LZTR1: variants seen among roughly 807,000 people sequenced by gnomAD.
The protein encoded by LZTR1 is leucine zipper like post translational regulator 1, also known as leucine-zipper-like transcriptional regulator 1.
Under a neutral mutation model 105.7 loss-of-function variants are expected in LZTR1, and 260 were observed. The observed-to-expected ratio is 2.46, with a 90% CI of 2.22 to 2.72. LZTR1 has a LOEUF of 2.72. LZTR1 is among the 30% of genes most tolerant of loss of function. The probability of loss-of-function intolerance (pLI) is 0.00; values close to 1 mark genes in which losing one functional copy is unlikely to be tolerated. For synonymous variants in LZTR1, 490 were observed against 476.4 expected, an observed-to-expected ratio of 1.03 and a Z score of -0.37; for missense variants, 1,214 against 1,166.9, an observed-to-expected ratio of 1.04 and a Z score of -0.59.
At chr22:20,992,189 A>T in intron 9 of LZTR1, 25 bp from the exon 10 acceptor site, 1 of 1,606,712 alleles carries the variant, frequency 6.2e-7, no homozygotes, top group Non-Finnish European at 8.5e-7. Flanking sequence ...AACTGGTCTC[A>T]TGCCCATGTG....
Position 20,997,389 on chromosome 22 carries a change from T to G in LZTR1, c.*41T>G. The G allele has an allele frequency of 7.2e-7, 1 of 1,394,906 alleles. No individual in the cohort carries two copies. Among genetic ancestry groups the G allele is most frequent in the Non-Finnish European group, 1.0e-6 (1 of 981,714 alleles). 86.4% of individuals were successfully genotyped at this position (1,394,906 alleles called of 1,614,324 possible). On this transcript the variant is annotated 3_prime_UTR_variant, in exon 21 of 21. Transcript: ENST00000646124. ...GCCCATTGTGAAGAATCGCCGTGCC[T>G]GCCTGCCCTGCCTACTGAGAAGACT... is the stretch of plus-strand genomic sequence containing the variant.
chr22:20,987,309 G>T, intron 3 of LZTR1, 195 bp from the exon 4 acceptor site: 1 of 548,084 alleles, frequency 1.8e-6, no homozygotes, highest in Non-Finnish European at 3.3e-6. Context: ...CAGGACAATC[G>T]CTTGAACCCA....
Position 20,992,827 on chromosome 22 carries a change from G to A in LZTR1, c.1183G>A (p.Val395Ile), listed in dbSNP as rs373591504. The change falls in exon 11 of 21, where the codon GTC becomes ATC. Residue 395 changes from valine (V) to isoleucine (I), a missense_variant. Val to Ile is a conservative substitution (Grantham distance 29). Coordinates refer to ENST00000646124, the MANE Select transcript of LZTR1 (RefSeq NM_006767.4). ...TGGGAGGCTCTTCCACGCGGCTGCT[G>A]TCATCTCGGACGCCATGTACATCTT... ...PSGRLFHAAA[V>I]ISDAMYIFGG... 6 of 1,607,916 alleles carry A rather than the reference G, an allele frequency of 3.7e-6. No homozygotes were observed. The African/African-American group carries it at 6.7e-5, about 18-fold the overall frequency.
chr22:20,991,670 A>G lies in LZTR1; in HGVS notation c.834A>G (p.Pro278=). 1.9e-6 allele frequency: 3 copies of G among 1,603,406 alleles called. No homozygotes were observed. Among genetic ancestry groups the G allele is most frequent in the Non-Finnish European group, 2.5e-6 (3 of 1,177,612 alleles). ...IPTEHLLRGS[P]PPPQRRYGHT... ...CTGAACACCTGCTCCGGGGCTCCCC[A>G]CCACCCCCGCAGCGGCGCTACGGGC... The change falls in exon 9 of 21, where the codon CCA becomes CCG. Residue 278 remains proline, a synonymous_variant. Transcript: ENST00000646124.
chr22:20,988,763 C>T lies in LZTR1; in HGVS notation c.510-26C>T, dbSNP rs951549955. ...CAGGTCTGTGCTGGGCGGCCTCACT[C>T]CCTCCCCTCTTCCCTCACACTCCAG... On this transcript the variant is annotated intron_variant, in intron 5 of 20. Coordinates refer to ENST00000646124, the MANE Select transcript of LZTR1 (RefSeq NM_006767.4). 14 of 1,591,096 alleles carry T rather than the reference C, an allele frequency of 8.8e-6. No homozygotes were observed. In the African/African-American group the frequency reaches 1.3e-4, roughly 15 times the overall value.
Position 20,996,109 on chromosome 22 carries a change from C to A in LZTR1, c.2216C>A (p.Ser739Ter). ...GAGGTCAACATGCCGCCCGAGGACT[C>A]GCTGCATCCTCACTCCCCAGTGAAC... is the stretch of plus-strand genomic sequence containing the variant. ...YGEVNMPPEDSLYLFAAPYYY... is the reference protein window; with the variant it reads ...YGEVNMPPED The change falls in exon 18 of 21, where the codon TCG becomes TAG. Residue 739 changes from serine (S) to a stop codon, truncating the protein, a stop_gained. Transcript: ENST00000646124. LOFTEE classifies it high-confidence loss of function. 6.2e-7 allele frequency: 1 copy of A among 1,611,982 alleles called. No individual in the cohort carries two copies. The highest frequency in any genetic ancestry group is 2.2e-5 in the East Asian group (1 of 44,870).
In LZTR1 at chr22:20,994,659, T is replaced by C. The variant is rs1269824662; in HGVS notation, c.1717T>C (p.Ser573Pro). 2 of 1,612,888 alleles carry C rather than the reference T, an allele frequency of 1.2e-6. No homozygotes were observed. The highest frequency in any genetic ancestry group is 1.7e-5 in the Admixed American group (1 of 60,002). The stretch of plus-strand genomic sequence containing the variant: ...GCTGTGCCGCCAGTACATCGAGGCC[T>C]CCGTGGACCTGCAGAACGTGCTGGT... Reference protein sequence around the residue: ...EQLCRQYIEASVDLQNVLVVC... With the variant: ...EQLCRQYIEAPVDLQNVLVVC... The change falls in exon 15 of 21, where the codon TCC becomes CCC. Residue 573 changes from serine to proline, a missense_variant. Physicochemically the swap from Ser to Pro is moderately conservative, Grantham distance 74. Transcript: ENST00000646124.
At chr22:20,984,770 C>G (rs1474072989) in intron 2 of LZTR1, among the ~76,000 whole-genome samples, 1 of 152,118 alleles carries the variant, frequency 6.6e-6, no homozygotes, top group Non-Finnish European at 1.5e-5. Flanking sequence ...TGAGACCGTT[C>G]AGGGGGCACC....
rs546713633 is a variant in LZTR1 at position 20,991,630 on chromosome 22, G to A, written c.794G>A (p.Trp265Ter). The A allele has an allele frequency of 1.9e-6, 3 of 1,586,518 alleles. No homozygotes were observed. Among genetic ancestry groups the A allele is most frequent in the African/African-American group, 1.3e-5 (1 of 74,682 alleles). Residue 265 changes from tryptophan (W) to a stop codon, truncating the protein, a stop_gained and splice_region_variant, in exon 9 of 21, where the codon TGG (tryptophan) becomes TAG (stop). Transcript: ENST00000646124. LOFTEE classifies it high-confidence loss of function. ...GATTCACTGTTGTGTACCCCCAGGT[G>A]GACACGCATCCCAACTGAACACCTG... ...LFQFEFKDKT[W>*]TRIPTEHLLR...
chr22:20,995,070 T>C (rs915000454), intron 16 of LZTR1, 44 bp downstream of exon 16: 2 of 1,571,632 alleles, frequency 1.3e-6, no homozygotes, highest in Non-Finnish European at 1.7e-6. Flanking sequence ...GGAGGGATGG[T>C]GTTCATCTGC....
rs575495771 is a variant in LZTR1, at chr22:20,997,653, G to C, written c.*305G>C. Reference sequence around the variant, plus strand: ...TGGGCTCACCACCCAGAAGTGGGGAGAGACTTTGGGCCTCCCACCCAGTGG... The same window carrying C: ...TGGGCTCACCACCCAGAAGTGGGGACAGACTTTGGGCCTCCCACCCAGTGG... On this transcript the variant is annotated 3_prime_UTR_variant, in exon 21 of 21. Transcript: ENST00000646124. The C allele has an allele frequency of 7.5e-6, 2 of 265,642 alleles. No individual in the cohort carries two copies. Among genetic ancestry groups the C allele is most frequent in the South Asian group, 1.1e-4 (2 of 18,062 alleles). 16.5% of individuals were successfully genotyped at this position (265,642 alleles called of 1,614,324 possible). A position where few individuals can be genotyped will look rare whatever the true frequency, so the allele number is the denominator to read the frequency against.
intron 14 of LZTR1, 44 bp from the exon 15 acceptor site, chr22:20,994,514 C>G (rs1449557871): frequency 6.3e-7 from 1 of 1,590,598 alleles, no homozygotes; most frequent in Non-Finnish European, 8.5e-7. Flanking sequence ...GTGCCCTGCC[C>G]TCCCCTCTCC....
intron 7 of LZTR1, 84 bp downstream of exon 7, chr22:20,989,766 A>C: frequency 1.1e-6 from 1 of 914,682 alleles, no homozygotes; most frequent in South Asian, 1.5e-5. Context: ...GGTGAGGGGC[A>C]TGGGGAGACA....
At position 20,982,563 on chromosome 22, in the gene LZTR1, G is replaced by T. The variant is rs754088177; in HGVS notation, c.192G>T (p.Val64=). 6.2e-7 allele frequency: 1 copy of T among 1,611,814 alleles called. No homozygotes were observed. The highest frequency in any genetic ancestry group is 8.5e-7 in the Non-Finnish European group (1 of 1,179,344). The change falls in exon 1 of 21, where the codon GTG becomes GTT. Residue 64 remains valine, a synonymous_variant. Transcript: ENST00000646124. ...GCCTCCCGCCCTGCGACGAGTTCGT[G>T]GGTGCCCGGTACGGTGGGCTTCATG... The part of the protein sequence containing the change: ...WRRLPPCDEF[V]GARRSKHTVV...
At chr22:20,995,675 G>A (rs1176614749) in intron 16 of LZTR1, 71 bp from the exon 17 acceptor site, 5 of 1,582,966 alleles carry the variant, frequency 3.2e-6, no homozygotes, top group Non-Finnish European at 3.5e-6. Context: ...AGATATGCAG[G>A]AAGGTAGTGC....
rs1684653288 is a variant in LZTR1 at position 20,997,284 on chromosome 22, T to C, written c.2459T>C (p.Ile820Thr). Residue 820 changes from isoleucine (I) to threonine (T), a missense_variant, in exon 21 of 21, where the codon ATC becomes ACC. Physicochemically the swap from Ile to Thr is moderately conservative, Grantham distance 89. Coordinates refer to ENST00000646124, the MANE Select transcript of LZTR1 (RefSeq NM_006767.4). Reference sequence around the variant, plus strand: ...CTGAGCCAGCAGCTGCTGCTGGACATCATAGACTCCCTGGCCTCCCACATC... The same window carrying C: ...CTGAGCCAGCAGCTGCTGCTGGACACCATAGACTCCCTGGCCTCCCACATC... ...RSLSQQLLLD[I>T]IDSLASHISD... is the part of the protein sequence containing the mutation. The C allele has an allele frequency of 2.5e-6, 4 of 1,613,716 alleles. No individual in the cohort carries two copies. Among genetic ancestry groups the C allele is most frequent in the Non-Finnish European group, 3.4e-6 (4 of 1,179,984 alleles).
rs751178858 is a variant in LZTR1, at chr22:20,996,690, C to T, written c.2220-6C>T. Reference sequence around the variant, plus strand: ...TCCTTTAGTCAGCTCCTTAACCAGGCCCCAGCTACTTGTTTGCGGCCCCCT... The same window carrying T: ...TCCTTTAGTCAGCTCCTTAACCAGGTCCCAGCTACTTGTTTGCGGCCCCCT... On this transcript the variant is annotated splice_region_variant and splice_polypyrimidine_tract_variant and intron_variant, in intron 18 of 20. Coordinates refer to ENST00000646124, the MANE Select transcript of LZTR1 (RefSeq NM_006767.4). 3.3e-5 allele frequency: 53 copies of T among 1,612,692 alleles called. No individual in the cohort carries two copies. Among genetic ancestry groups the T allele is most frequent in the Non-Finnish European group, 4.3e-5 (51 of 1,179,296 alleles).
At position 20,994,004 on chromosome 22, in the gene LZTR1, G is replaced by A. The variant is rs1225984910; in HGVS notation, c.1434G>A (p.Arg478=). 1 of 1,609,718 alleles carries A rather than the reference G, an allele frequency of 6.2e-7. No individual in the cohort carries two copies. Among genetic ancestry groups the A allele is most frequent in the Non-Finnish European group, 8.5e-7 (1 of 1,179,032 alleles). Reference sequence around the variant, plus strand: ...TTCGCAGGAAGATCACGCAGGCGCGGGAGAGGCTGGCCCAGGTGAGGTGCC... The same window carrying A: ...TTCGCAGGAAGATCACGCAGGCGCGAGAGAGGCTGGCCCAGGTGAGGTGCC... The part of the protein sequence containing the change: ...RWLRRKITQA[R]ERLAQKLEQE... The change falls in exon 13 of 21, where the codon CGG becomes CGA. Residue 478 remains arginine, a synonymous_variant. Coordinates refer to ENST00000646124, the MANE Select transcript of LZTR1 (RefSeq NM_006767.4).
At position 20,987,602 on chromosome 22, in the gene LZTR1, C is replaced by G. The variant is rs199799147; in HGVS notation, c.400+19C>G. 6.2e-7 allele frequency: 1 copy of G among 1,609,968 alleles called. No individual in the cohort carries two copies. The highest frequency in any genetic ancestry group is 2.2e-5 in the East Asian group (1 of 44,860). On this transcript the variant is annotated intron_variant, in intron 4 of 20. Transcript: ENST00000646124. The stretch of plus-strand genomic sequence containing the variant: ...GTCTTTGGTAAGCAGCCTCTTGCCT[C>G]CCAGGGGCTGTGTCGCCCCGAGGCC...
Sources: allele counts gnomAD v4.1 joint callset (sites outside exome capture counted in the v4.1 genomes callset), GRCh38; gene constraint gnomAD v4.1.1; transcripts MANE v1.5; gene names NCBI Gene and HGNC (gene_info 2026-07-23, HGNC 2026-07-21).